ATP7A: variants seen among roughly 807,000 people sequenced by gnomAD.
ATP7A encodes ATPase copper transporting alpha, also known as copper-transporting ATPase 1.
ATP7A carries 7 observed loss-of-function variants against 83.5 expected under a neutral mutation model. The ratio of observed to expected loss-of-function variants is 0.08; its 90% CI spans 0.05 to 0.16. The LOEUF is 0.16. ATP7A is among the 10% of genes least tolerant of loss of function. ATP7A has a pLI of 1.00. For missense variants in ATP7A, 940 were observed against 1,120.8 expected, an observed-to-expected ratio of 0.84 and a Z score of 2.30; for synonymous variants, 354 against 395.2, an observed-to-expected ratio of 0.90 and a Z score of 1.24.
At chrX:78,005,376 A>T (rs1305507988) in intron 6 of ATP7A, among the ~76,000 whole-genome samples, 1 of 110,817 alleles carries the variant, frequency 9.0e-6, no homozygotes, top group Non-Finnish European at 1.9e-5. Context: ...ATAACATCTA[A>T]TTCATTTATA....
chrX:78,024,982 C>G (rs1169321164), intron 14 of ATP7A, among the ~76,000 whole-genome samples: 3 of 111,451 alleles, frequency 2.7e-5, no homozygotes, highest in African/African-American at 9.8e-5. Context: ...TTAAAATCTG[C>G]TAACAGAAGG....
intron 1 of ATP7A, among the ~76,000 whole-genome samples, chrX:77,949,372 T>A (rs2077401094): frequency 1.8e-5 from 2 of 111,763 alleles, no homozygotes; most frequent in African/African-American, 6.5e-5. Flanking sequence ...TTTAGGTTTT[T>A]ATTATTACCC....
At chrX:78,035,019 C>A (rs1369230563) in intron 17 of ATP7A, among the ~76,000 whole-genome samples, 1 of 111,691 alleles carries the variant, frequency 9.0e-6, no homozygotes, top group African/African-American at 3.3e-5. Flanking sequence ...GCTGGGATTA[C>A]AGGTGTGAGC....
chrX:77,915,196 T>A (rs565168918), intron 1 of ATP7A, among the ~76,000 whole-genome samples: 1 of 111,115 alleles, frequency 9.0e-6, no homozygotes, highest in South Asian at 3.8e-4. Context: ...GTGCCTGTAG[T>A]CCCAGCTACT....
At chrX:77,931,548 G>A (rs1430473353) in intron 1 of ATP7A, among the ~76,000 whole-genome samples, 2 of 112,506 alleles carry the variant, frequency 1.8e-5, no homozygotes, top group African/African-American at 3.2e-5. Context: ...CAGAGGGGGT[G>A]GTGGCCGGGC....
At chrX:78,017,282 G>A (rs1216430817) in intron 12 of ATP7A, among the ~76,000 whole-genome samples, 2 of 112,171 alleles carry the variant, frequency 1.8e-5, no homozygotes, top group Non-Finnish European at 3.8e-5. Flanking sequence ...TGCAGGATAC[G>A]ATGCCACTGA....
intron 2 of ATP7A, among the ~76,000 whole-genome samples, chrX:77,975,251 G>A (rs371982320): frequency 2.7e-5 from 3 of 109,643 alleles, no homozygotes; most frequent in Non-Finnish European, 5.7e-5. Flanking sequence ...ACCCCTGCCC[G>A]CCCCTTTCCC....
At chrX:78,024,838 G>A (rs2077931722) in intron 14 of ATP7A, among the ~76,000 whole-genome samples, 2 of 111,308 alleles carry the variant, frequency 1.8e-5, no homozygotes, top group African/African-American at 6.5e-5. Flanking sequence ...TCAGGAGTGC[G>A]AGTGCACCCT....
chrX:78,020,901 G>T lies in ATP7A; in HGVS notation c.2782-44G>T, dbSNP rs782407747. ...TGCATTCAGTATCAGAAAAGACTTT[G>T]ATATGCTTCTTCTTCTTATTATTGT... On this transcript the variant is annotated intron_variant, in intron 13 of 22. Coordinates refer to ENST00000341514, the MANE Select transcript of ATP7A (RefSeq NM_000052.7). 1.6e-5 allele frequency: 19 copies of T among 1,166,625 alleles called. No individual in the cohort carries two copies. The East Asian group carries it at 3.6e-4, about 22-fold the overall frequency.
At chrX:77,964,962 T>A (rs2077495583) in intron 1 of ATP7A, 1 of 114,044 alleles carries the variant, frequency 8.8e-6, no homozygotes, top group Non-Finnish European at 1.8e-5. Context: ...CAAATGGTAT[T>A]TCTAGTTCTA....
At chrX:77,913,607 T>A (rs1248016871) in intron 1 of ATP7A, among the ~76,000 whole-genome samples, 2 of 112,330 alleles carry the variant, frequency 1.8e-5, no homozygotes, top group African/African-American at 6.5e-5. Flanking sequence ...ATGTGTTTCA[T>A]TAAAGTAAAA....
rs1557236688 is a variant in ATP7A at position 78,029,244 on chromosome X, C to T, written c.2917-6C>T. On this transcript the variant is annotated splice_region_variant and splice_polypyrimidine_tract_variant and intron_variant, in intron 14 of 22. Coordinates refer to ENST00000341514, the MANE Select transcript of ATP7A (RefSeq NM_000052.7). ...AATAACCAAAATTTATGCCTTTCTT[C>T]TAAAGGGCTACAATAGAAGTATCTC... The T allele has an allele frequency of 8.3e-7, 1 of 1,207,997 alleles. No homozygotes were observed. The highest frequency in any genetic ancestry group is 1.1e-6 in the Non-Finnish European group (1 of 893,557).
intron 1 of ATP7A, among the ~76,000 whole-genome samples, chrX:77,922,806 T>A (rs2077222749): frequency 8.9e-6 from 1 of 112,066 alleles, no homozygotes; most frequent in African/African-American, 3.2e-5. Context: ...CTTGCATCCC[T>A]GAACTCCTTA....
At chrX:78,005,682 T>TAA (rs2077769181) in intron 6 of ATP7A, among the ~76,000 whole-genome samples, 1 of 7,118 alleles carries the variant, frequency 1.4e-4, no homozygotes, top group Non-Finnish European at 2.4e-4. Context: ...AAACTCCATC[T>TAA]CAAAAAAAAA....
chrX:77,997,133 C>T (rs1311242839), intron 4 of ATP7A, among the ~76,000 whole-genome samples: 2 of 111,922 alleles, frequency 1.8e-5, no homozygotes, highest in African/African-American at 6.5e-5. Flanking sequence ...TGTGGTGTTC[C>T]CATGTGACAG....
intron 1 of ATP7A, among the ~76,000 whole-genome samples, chrX:77,926,921 T>C (rs1323979378): frequency 9.0e-6 from 1 of 111,023 alleles, no homozygotes; most frequent in Non-Finnish European, 1.9e-5. Flanking sequence ...CAGGCTGATC[T>C]TGAACTCTTG....
intron 1 of ATP7A, chrX:77,965,291 C>A: frequency 4.3e-6 from 1 of 234,469 alleles, no homozygotes; most frequent in South Asian, 4.4e-5. Flanking sequence ...GATTAATATC[C>A]AAGAATATAA....
Position 77,989,948 on chromosome X carries a change from T to C in ATP7A, c.1326T>C (p.Ala442=), listed in dbSNP as rs2149083467. 2.5e-6 allele frequency: 3 copies of C among 1,211,603 alleles called. No individual in the cohort carries two copies. ...RGAIEDMGFD[A]TLSDTNEPLV... is the part of the protein sequence containing the mutation. ...CAATAGAAGACATGGGATTTGATGC[T>C]ACCTTGTCAGGTAATTATCATTTTT... Residue 442 remains alanine, a synonymous_variant, in exon 4 of 23, where the codon GCT becomes GCC. Transcript: ENST00000341514.
intron 1 of ATP7A, among the ~76,000 whole-genome samples, chrX:77,918,414 A>G (rs2077195329): frequency 2.7e-5 from 3 of 110,905 alleles, no homozygotes. Context: ...TCCACCAGAA[A>G]AGTAGAAATG....
Sources: allele counts gnomAD v4.1 joint callset (sites outside exome capture counted in the v4.1 genomes callset), GRCh38; gene constraint gnomAD v4.1.1; transcripts MANE v1.5; gene names NCBI Gene and HGNC (gene_info 2026-07-23, HGNC 2026-07-21).